The following BCL7A variants were observed in gnomAD, a reference collection of about 807,000 sequenced individuals.
BCL7A encodes the protein BAF chromatin remodeling complex subunit BCL7A, also known as B-cell CLL/lymphoma 7 protein family member A.
A neutral mutation model predicts 28.4 loss-of-function variants in BCL7A; 11 were observed. That is an observed-to-expected ratio of 0.39 (90% CI 0.24 to 0.64). The LOEUF (loss-of-function observed/expected upper bound fraction) is 0.64. Ranked by LOEUF, BCL7A falls within the 30% of genes least tolerant of loss-of-function variation. The probability of loss-of-function intolerance (pLI) is 0.50; values close to 1 mark genes in which losing one functional copy is unlikely to be tolerated. For missense variants in BCL7A, 222 were observed against 274.8 expected (o/e 0.81, Z 1.36); for synonymous variants, 123 against 103.3 (o/e 1.19, Z -1.15).
intron 3 of BCL7A, among the ~76,000 whole-genome samples, chr12:122,037,795 C>T (rs1208803180): frequency 1.3e-5 from 2 of 151,732 alleles, no homozygotes; most frequent in East Asian, 3.9e-4. Flanking sequence ...AAAAAATTTA[C>T]AAAATTAGCC....
At chr12:122,023,820 G>C (rs1028065494) in intron 1 of BCL7A, among the ~76,000 whole-genome samples, 2 of 152,204 alleles carry the variant, frequency 1.3e-5, no homozygotes, top group African/African-American at 4.8e-5. Flanking sequence ...CGGGAAGCCC[G>C]GAGTTGCTCC....
intron 4 of BCL7A, among the ~76,000 whole-genome samples, chr12:122,051,858 C>G (rs1947846063): frequency 1.5e-5 from 2 of 135,664 alleles, no homozygotes; most frequent in Admixed American, 7.5e-5. Flanking sequence ...CATGATTTCT[C>G]TCTCTCTCTT....
intron 4 of BCL7A, 100 bp downstream of exon 4, chr12:122,044,153 C>A: frequency 7.3e-7 from 1 of 1,370,024 alleles, no homozygotes; most frequent in Non-Finnish European, 9.8e-7. Flanking sequence ...ATGTGCCAGC[C>A]CCAGCAAGGA....
intron 4 of BCL7A, among the ~76,000 whole-genome samples, chr12:122,044,650 C>T (rs1342669374): frequency 1.3e-5 from 2 of 152,090 alleles, no homozygotes; most frequent in Non-Finnish European, 2.9e-5. Flanking sequence ...TAGCAAGACC[C>T]TGTCTCTACA....
At chr12:122,054,737 A>G (rs1884273102) in intron 4 of BCL7A, 68 bp from the exon 5 acceptor site, 1 of 1,498,740 alleles carries the variant, frequency 6.7e-7, no homozygotes, top group Admixed American at 1.8e-5. Context: ...TATTTTCAGT[A>G]TTTGGCCCCA....
intron 1 of BCL7A, among the ~76,000 whole-genome samples, chr12:122,025,068 T>C (rs1463302315): frequency 1.3e-5 from 2 of 151,856 alleles, no homozygotes; most frequent in South Asian, 2.1e-4. Flanking sequence ...GGAGGTGAGG[T>C]GACCAGAAGA....
intron 1 of BCL7A, among the ~76,000 whole-genome samples, chr12:122,026,266 CAAAA>C (rs78577517): frequency 2.0e-5 from 1 of 49,474 alleles, no homozygotes; most frequent in Non-Finnish European, 4.4e-5. Flanking sequence ...GACTCCGTCT[CAAAA>C]AAAAAAAAAA....
chr12:122,056,790 A>T (rs1436424963), intron 5 of BCL7A, among the ~76,000 whole-genome samples: 1 of 152,152 alleles, frequency 6.6e-6, no homozygotes, highest in East Asian at 1.9e-4. Context: ...TGGGTGACAG[A>T]GCAAGACCCT....
intron 5 of BCL7A, among the ~76,000 whole-genome samples, chr12:122,055,279 A>G (rs1308322514): frequency 1.3e-5 from 2 of 152,202 alleles, no homozygotes; most frequent in African/African-American, 4.8e-5. Flanking sequence ...AGAGCTGGGA[A>G]GACAAGACTT....
chr12:122,023,559 G>T (rs1308296289), intron 1 of BCL7A, among the ~76,000 whole-genome samples: 1 of 152,214 alleles, frequency 6.6e-6, no homozygotes. Context: ...CTATGGAAAG[G>T]GCTGGCTGCG....
chr12:122,023,667 G>T (rs2135834870), intron 1 of BCL7A, among the ~76,000 whole-genome samples: 1 of 152,306 alleles, frequency 6.6e-6, no homozygotes, highest in South Asian at 2.1e-4. Flanking sequence ...TGAGATCCAA[G>T]TCGTCGGTGT....
intron 1 of BCL7A, among the ~76,000 whole-genome samples, chr12:122,024,884 A>G (rs1039112880): frequency 1.3e-5 from 2 of 152,116 alleles, no homozygotes; most frequent in Non-Finnish European, 2.9e-5. Flanking sequence ...ATTTGGCCCC[A>G]TGAGCCTTGG....
intron 4 of BCL7A, 50 bp from the exon 5 acceptor site, chr12:122,054,755 C>T (rs773774864): frequency 1.1e-5 from 18 of 1,579,242 alleles, no homozygotes; most frequent in East Asian, 2.3e-5. Context: ...CCACCGGCCC[C>T]GCCTCTCACG....
intron 1 of BCL7A, among the ~76,000 whole-genome samples, chr12:122,030,153 C>T (rs1350957403): frequency 6.6e-6 from 1 of 152,218 alleles, no homozygotes; most frequent in African/African-American, 2.4e-5. Context: ...GGTCACCACT[C>T]CCTGGCTCTC....
intron 4 of BCL7A, chr12:122,044,509 A>T (rs1181393324): frequency 2.6e-5 from 4 of 152,826 alleles, no homozygotes; most frequent in African/African-American, 9.8e-5. Context: ...CCCTGTCTCA[A>T]TAATAAGTAA....
At chr12:122,038,357 G>A (rs1319681522) in intron 3 of BCL7A, among the ~76,000 whole-genome samples, 1 of 148,226 alleles carries the variant, frequency 6.7e-6, no homozygotes. Context: ...GCTTGAATCT[G>A]GGAGGCGGAG....
chr12:122,029,354 C>T lies in BCL7A; in HGVS notation c.93-1346C>T, dbSNP rs1883693997. On this transcript the variant is annotated intron_variant, in intron 1 of 5. Coordinates refer to ENST00000261822, the MANE Select transcript of BCL7A (RefSeq NM_001024808.3). This position sits in a 1 kb window ranked among gnomAD's most constrained non-coding sequence, Gnocchi z 4.3. ...CTGGGTTTGAGTATGCTCCGTCATC[C>T]CGCAACCCCCGTGGTGACAGGGTGG... Among the ~76,000 whole-genome samples, 1 of 152,074 alleles carries T rather than the reference C, an allele frequency of 6.6e-6. No homozygotes were observed. Among genetic ancestry groups the T allele is most frequent in the African/African-American group, 2.4e-5 (1 of 41,386 alleles).
chr12:122,051,112 G>A (rs1057063073), intron 4 of BCL7A, among the ~76,000 whole-genome samples: 1 of 152,218 alleles, frequency 6.6e-6, no homozygotes, highest in African/African-American at 2.4e-5. Flanking sequence ...CAGGAATTAT[G>A]TTTTGAGTTA....
At chr12:122,025,499 C>T (rs1283126926) in intron 1 of BCL7A, among the ~76,000 whole-genome samples, 2 of 151,736 alleles carry the variant, frequency 1.3e-5, no homozygotes, top group Admixed American at 6.6e-5. Flanking sequence ...TGGTGGCGGG[C>T]GCCTGTAGTC....
Sources: allele counts gnomAD v4.1 joint callset (sites outside exome capture counted in the v4.1 genomes callset), GRCh38; gene constraint gnomAD v4.1.1; non-coding constraint Gnocchi (gnomAD v3.1); transcripts MANE v1.5; gene names NCBI Gene and HGNC (gene_info 2026-07-23, HGNC 2026-07-21).